The following LINGO2 variants were observed in gnomAD, a reference collection of about 807,000 sequenced individuals.
LINGO2 encodes leucine rich repeat and Ig domain containing 2.
A neutral mutation model predicts 30.6 loss-of-function variants in LINGO2; 14 were observed. That is an observed-to-expected ratio of 0.46 (90% CI 0.30 to 0.72). LINGO2 has a LOEUF of 0.72. Ranked by LOEUF, LINGO2 falls within the 30% of genes least tolerant of loss-of-function variation. The pLI is 0.07. For missense variants in LINGO2, 729 were observed against 751.7 expected (o/e 0.97, Z 0.35); for synonymous variants, 317 against 288.5 (o/e 1.10, Z -1.00).
rs185163224 is a variant in LINGO2, at chr9:28,523,136, T to C, written c.-364-47111A>G. Among the ~76,000 whole-genome samples the C allele has an allele frequency of 3.2e-3, 483 of 151,964 alleles. 4 individuals are homozygous for C. Among genetic ancestry groups the C allele is most frequent in the African/African-American group, 0.011 (440 of 41,482 alleles). On this transcript the variant is annotated intron_variant, in intron 1 of 5. Transcript: ENST00000379992. ...GTAAAAATAAATTCAATAAATTTAA[T>C]CCAGGAATAAAAGTTGCTTTAATAT...
the LINGO2 span, among the ~76,000 whole-genome samples, chr9:28,867,173 G>A: frequency 1.6e-4 from 24 of 152,096 alleles, no homozygotes; most frequent in African/African-American, 5.6e-4. Context: ...AACTGAGTGG[G>A]AAGGCAAGTT....
intron 4 of LINGO2, among the ~76,000 whole-genome samples, chr9:28,012,924 T>G (rs1822633288): frequency 6.6e-6 from 1 of 152,224 alleles, no homozygotes; most frequent in African/African-American, 2.4e-5. Context: ...TTGCAGCGCT[T>G]GTTAAGACAG....
chr9:28,438,150 C>A (rs183706783), intron 2 of LINGO2, among the ~76,000 whole-genome samples: 65 of 152,158 alleles, frequency 4.3e-4, no homozygotes, highest in African/African-American at 1.4e-3. Flanking sequence ...AATTATCGTC[C>A]AGCTAGTCTT....
intron 4 of LINGO2, among the ~76,000 whole-genome samples, chr9:28,095,325 T>G (rs1271213115): frequency 6.6e-6 from 1 of 152,088 alleles, no homozygotes; most frequent in East Asian, 1.9e-4. Flanking sequence ...GCACCAATGT[T>G]GTTTTTCCAA....
intron 4 of LINGO2, chr9:28,012,414 T>TA (rs201139527): frequency 0.2 from 28,735 of 141,620 alleles, 3,106 homozygotes; most frequent in East Asian, 0.44. Flanking sequence ...TCCTCAAGGA[T>TA]AAAAAAAAAA....
At chr9:29,071,973 A>G in the LINGO2 span, among the ~76,000 whole-genome samples, 2 of 152,000 alleles carry the variant, frequency 1.3e-5, no homozygotes, top group African/African-American at 4.8e-5. Context: ...CTTAGAAGAA[A>G]CCTTTTTATT....
At chr9:28,328,568 G>A (rs80047470) in intron 3 of LINGO2, among the ~76,000 whole-genome samples, 1 of 141,940 alleles carries the variant, frequency 7.0e-6, no homozygotes, top group African/African-American at 2.5e-5. Flanking sequence ...AAAAAAAAAA[G>A]CAGAATGACG....
At chr9:28,477,522 T>A (rs1394072713) in intron 1 of LINGO2, among the ~76,000 whole-genome samples, 1 of 152,112 alleles carries the variant, frequency 6.6e-6, no homozygotes, top group African/African-American at 2.4e-5. Flanking sequence ...TCTTAAGTCT[T>A]CCCCCATTTT....
intron 4 of LINGO2, among the ~76,000 whole-genome samples, chr9:28,234,329 C>T (rs1282328696): frequency 6.6e-6 from 1 of 152,086 alleles, no homozygotes; most frequent in Non-Finnish European, 1.5e-5. Context: ...TGATGGTAGC[C>T]ACAAGCAGAA....
intron 4 of LINGO2, among the ~76,000 whole-genome samples, chr9:28,056,075 A>C (rs149020254): frequency 0.012 from 1,880 of 152,292 alleles, 16 homozygotes; most frequent in Middle Eastern, 0.031. Context: ...GAAAAAAGAA[A>C]GGAGCTCCCC....
At chr9:28,032,387 C>T (rs1823722996) in intron 4 of LINGO2, among the ~76,000 whole-genome samples, 2 of 152,180 alleles carry the variant, frequency 1.3e-5, no homozygotes, top group Admixed American at 6.5e-5. Context: ...TGGGCTCCCA[C>T]TGCCTTAGCA....
the LINGO2 span, among the ~76,000 whole-genome samples, chr9:28,798,847 C>A: frequency 6.6e-6 from 1 of 151,698 alleles, no homozygotes; most frequent in Non-Finnish European, 1.5e-5. Context: ...TGATTGTAAG[C>A]TAAATAAGAA....
intron 1 of LINGO2, among the ~76,000 whole-genome samples, chr9:28,529,434 T>C (rs1334555525): frequency 6.6e-6 from 1 of 152,202 alleles, no homozygotes. Context: ...AATGGATTTA[T>C]ATCTGTTATC....
intron 4 of LINGO2, among the ~76,000 whole-genome samples, chr9:28,241,992 G>GA (rs1310665888): frequency 1.3e-5 from 2 of 151,680 alleles, no homozygotes; most frequent in South Asian, 4.2e-4. Context: ...ATCAAAACTA[G>GA]AAAAAATCAT....
At chr9:28,587,512 G>C (rs750941439) in intron 1 of LINGO2, among the ~76,000 whole-genome samples, 1 of 151,882 alleles carries the variant, frequency 6.6e-6, no homozygotes, top group Non-Finnish European at 1.5e-5. Flanking sequence ...GAGTGGTAAA[G>C]GTGTGTGACT....
At chr9:28,785,375 T>C in the LINGO2 span, among the ~76,000 whole-genome samples, 1 of 152,212 alleles carries the variant, frequency 6.6e-6, no homozygotes, top group Admixed American at 6.5e-5. Context: ...CTTCTTATCA[T>C]TGAGACCTCA....
At chr9:28,856,252 T>A in the LINGO2 span, among the ~76,000 whole-genome samples, 6 of 152,186 alleles carry the variant, frequency 3.9e-5, no homozygotes, top group African/African-American at 1.4e-4. Context: ...ATTCTCTTGT[T>A]CCTGATCTTC....
chr9:28,881,663 G>T, the LINGO2 span, among the ~76,000 whole-genome samples: 1 of 150,604 alleles, frequency 6.6e-6, no homozygotes, highest in African/African-American at 2.4e-5. Flanking sequence ...TTTAAGTTCA[G>T]GGTTACATGT....
chr9:28,470,882 TATATA>T, intron 2 of LINGO2, among the ~76,000 whole-genome samples: 1 of 148,236 alleles, frequency 6.7e-6, no homozygotes, highest in South Asian at 2.1e-4. Flanking sequence ...TTATATATAA[TATATA>T]ATATAGTACA....
Sources: gnomAD v4.1 joint callset for allele counts (sites outside exome capture counted in the v4.1 genomes callset) on GRCh38, gnomAD v4.1.1 for gene constraint, MANE v1.5 for transcripts, NCBI Gene and HGNC (gene_info 2026-07-23, HGNC 2026-07-21) for gene names.